Variants in PITX3 observed in about 807,000 individuals in gnomAD.
PITX3 encodes the protein paired like homeodomain 3.
In PITX3, 4 loss-of-function variants were observed where a neutral mutation model predicts 14.2. That is an observed-to-expected ratio of 0.28 (90% confidence interval 0.14 to 0.65). The LOEUF (loss-of-function observed/expected upper bound fraction) is 0.65, where lower values mean the gene tolerates loss of function less well. Among genes scored for constraint, PITX3 ranks in the 30% least tolerant of loss-of-function variants. The pLI is 0.82. For missense variants in PITX3, 358 were observed against 426.8 expected (o/e 0.84, Z 1.42); for synonymous variants, 194 against 204.5 (o/e 0.95, Z 0.44).
chr10:102,231,912 A>C, intron 2 of PITX3, 51 bp downstream of exon 2: 4 of 1,554,610 alleles, frequency 2.6e-6, no homozygotes, highest in Non-Finnish European at 3.5e-6. Context: ...TCCCACCCGC[A>C]CTGGGGATGA....
chr10:102,234,937 C>A (rs948589524), intron 1 of PITX3, among the ~76,000 whole-genome samples: 1 of 152,154 alleles, frequency 6.6e-6, no homozygotes, highest in Non-Finnish European at 1.5e-5. Context: ...GCCAGAAAGC[C>A]GAGTTCAGGC....
intron 1 of PITX3, among the ~76,000 whole-genome samples, chr10:102,239,426 A>AT (rs2070477858): frequency 6.6e-6 from 1 of 152,126 alleles, no homozygotes; most frequent in South Asian, 2.1e-4. Flanking sequence ...AATTTCAGTG[A>AT]TTTTATGGGA....
intron 1 of PITX3, among the ~76,000 whole-genome samples, chr10:102,239,906 C>G (rs182601155): frequency 6.6e-6 from 1 of 152,214 alleles, no homozygotes; most frequent in Non-Finnish European, 1.5e-5. Context: ...GATATCCTTC[C>G]CAACCAGACT....
At chr10:102,235,682 G>A (rs915034588) in intron 1 of PITX3, among the ~76,000 whole-genome samples, 1 of 152,184 alleles carries the variant, frequency 6.6e-6, no homozygotes. Context: ...GCTGGGCATT[G>A]AGTTAGGCAC....
intron 1 of PITX3, among the ~76,000 whole-genome samples, chr10:102,240,026 G>T (rs377172884): frequency 1.1e-4 from 17 of 152,242 alleles, no homozygotes; most frequent in African/African-American, 3.4e-4. Flanking sequence ...GGCTGAGGAA[G>T]AAAAAGGGAA....
At chr10:102,235,509 A>G (rs1301519993) in intron 1 of PITX3, among the ~76,000 whole-genome samples, 8 of 152,180 alleles carry the variant, frequency 5.3e-5, no homozygotes, top group Non-Finnish European at 1.0e-4. Flanking sequence ...ACATTTCTTC[A>G]TCTCCGAAAG....
At chr10:102,235,175 C>CAT (rs10640197) in intron 1 of PITX3, among the ~76,000 whole-genome samples, 1 of 73,812 alleles carries the variant, frequency 1.4e-5, no homozygotes, top group African/African-American at 6.1e-5. Context: ...TTCCCCCACC[C>CAT]CCCACCCCCC....
chr10:102,232,630 C>T (rs1303874263), intron 1 of PITX3, among the ~76,000 whole-genome samples: 4 of 152,090 alleles, frequency 2.6e-5, no homozygotes, highest in African/African-American at 4.8e-5. Flanking sequence ...TGCAGCGAGC[C>T]GAGATGGTGC....
intron 1 of PITX3, among the ~76,000 whole-genome samples, chr10:102,232,941 C>T (rs2070290778): frequency 6.6e-6 from 1 of 152,152 alleles, no homozygotes; most frequent in Non-Finnish European, 1.5e-5. Context: ...ATTCTCTCTC[C>T]CCTCACAAGA....
At chr10:102,238,862 T>G (rs2070465932) in intron 1 of PITX3, among the ~76,000 whole-genome samples, 1 of 152,212 alleles carries the variant, frequency 6.6e-6, no homozygotes, top group Admixed American at 6.5e-5. Context: ...CTCTGACATG[T>G]GCTGATCCTT....
chr10:102,230,478 C>A lies in PITX3; in HGVS notation c.*36G>T. On this transcript the variant is annotated 3_prime_UTR_variant, in exon 4 of 4. Coordinates refer to ENST00000370002, the MANE Select transcript of PITX3 (RefSeq NM_005029.4). ...AGTCCGCGGAGGCTGTGAATCGTTG[C>A]CCCCGCCCTCGGGGATGATCTACGG... The A allele has an allele frequency of 6.3e-7, 1 of 1,582,866 alleles. No individual in the cohort carries two copies. Among genetic ancestry groups the A allele is most frequent in the Non-Finnish European group, 8.6e-7 (1 of 1,164,628 alleles).
chr10:102,231,466 G>T, intron 3 of PITX3, 122 bp downstream of exon 3: 1 of 674,434 alleles, frequency 1.5e-6, no homozygotes, highest in Non-Finnish European at 2.5e-6. Flanking sequence ...GCGGCCGGGA[G>T]CCAGGGTCCG....
chr10:102,236,334 G>A (rs1564993494), intron 1 of PITX3, among the ~76,000 whole-genome samples: 2 of 152,238 alleles, frequency 1.3e-5, no homozygotes, highest in African/African-American at 4.8e-5. Context: ...AAATGCCCAG[G>A]CAGGGACAGA....
intron 1 of PITX3, among the ~76,000 whole-genome samples, chr10:102,238,615 C>T (rs2070460997): frequency 6.6e-6 from 1 of 152,216 alleles, no homozygotes; most frequent in Non-Finnish European, 1.5e-5. Flanking sequence ...GCAGCTTGGG[C>T]ATAATAATAG....
chr10:102,235,662 C>T (rs2070374502), intron 1 of PITX3, among the ~76,000 whole-genome samples: 1 of 152,116 alleles, frequency 6.6e-6, no homozygotes, highest in Admixed American at 6.6e-5. Context: ...TTATTTAGCA[C>T]ATTCTATGAG....
chr10:102,232,069 G>T lies in PITX3; in HGVS notation c.12C>A (p.Gly4=). The change falls in exon 2 of 4, where the codon GGC becomes GGA. Residue 4 remains glycine (G), a synonymous_variant. Coordinates refer to ENST00000370002, the MANE Select transcript of PITX3 (RefSeq NM_005029.4). MEF[G]LLSEAEARSP... is the part of the protein sequence containing the mutation. ...TCCGGGCCTCTGCCTCGCTGAGCAG[G>T]CCGAACTCCATGGAGGGAGGGCTCT... 2 of 1,598,212 alleles carry T rather than the reference G, an allele frequency of 1.3e-6. No individual in the cohort carries two copies. Among genetic ancestry groups the T allele is most frequent in the Non-Finnish European group, 1.7e-6 (2 of 1,175,022 alleles).
intron 1 of PITX3, among the ~76,000 whole-genome samples, chr10:102,232,379 A>G (rs1318452112): frequency 2.0e-5 from 3 of 152,152 alleles, no homozygotes; most frequent in African/African-American, 7.2e-5. Context: ...TATTTATTGA[A>G]TTAATAAAAA....
intron 1 of PITX3, among the ~76,000 whole-genome samples, chr10:102,240,624 C>G (rs1259087260): frequency 6.6e-6 from 1 of 152,206 alleles, no homozygotes; most frequent in Non-Finnish European, 1.5e-5. Flanking sequence ...AGACCCACTT[C>G]GCTACCCGGA....
chr10:102,234,084 C>A (rs1054383545), intron 1 of PITX3, among the ~76,000 whole-genome samples: 1 of 152,220 alleles, frequency 6.6e-6, no homozygotes, highest in Non-Finnish European at 1.5e-5. Context: ...TTAACAGGGG[C>A]TTAATGCAGG....
Sources: gnomAD v4.1 joint callset for allele counts (sites outside exome capture counted in the v4.1 genomes callset) on GRCh38, gnomAD v4.1.1 for gene constraint, MANE v1.5 for transcripts, NCBI Gene and HGNC (gene_info 2026-07-23, HGNC 2026-07-21) for gene names.